The following ACTR10 variants were observed in gnomAD, a reference collection of about 807,000 sequenced individuals.
ACTR10 encodes actin-related protein 10.
Under a neutral mutation model 56.2 loss-of-function variants are expected in ACTR10, and 43 were observed. The observed-to-expected ratio is 0.77, with a 90% CI of 0.60 to 0.99. The LOEUF is 0.99. Ranked by LOEUF, ACTR10 falls within the 50% of genes least tolerant of loss-of-function variation. The probability of loss-of-function intolerance (pLI) is 0.00; values close to 1 mark genes in which losing one functional copy is unlikely to be tolerated. For synonymous variants in ACTR10, 170 were observed against 176.3 expected, an observed-to-expected ratio of 0.96 and a Z score of 0.28; for missense variants, 466 against 507.8, an observed-to-expected ratio of 0.92 and a Z score of 0.79.
At chr14:58,210,429 G>A (rs957345787) in intron 4 of ACTR10, among the ~76,000 whole-genome samples, 6 of 152,106 alleles carry the variant, frequency 3.9e-5, no homozygotes, top group East Asian at 1.9e-4. Flanking sequence ...CCAGGAGGTC[G>A]AGGCTGCAGT....
intron 4 of ACTR10, 119 bp from the exon 5 acceptor site, chr14:58,211,173 C>G: frequency 1.4e-6 from 1 of 707,048 alleles, no homozygotes; most frequent in Non-Finnish European, 2.4e-6. Context: ...GTAGGTATCA[C>G]CATATAAATT....
chr14:58,219,794 T>C (rs915549518), intron 8 of ACTR10, 65 bp downstream of exon 8: 2 of 1,017,458 alleles, frequency 2.0e-6, no homozygotes, highest in Admixed American at 5.6e-5. Flanking sequence ...CATATGCTTC[T>C]AAACATTTAC....
At chr14:58,203,593 G>A (rs979586872) in intron 2 of ACTR10, among the ~76,000 whole-genome samples, 2 of 151,866 alleles carry the variant, frequency 1.3e-5, no homozygotes, top group African/African-American at 2.4e-5. Context: ...TTATGTAAAT[G>A]GAATCATATA....
At chr14:58,208,942 G>A (rs1888929926) in intron 3 of ACTR10, 57 bp from the exon 4 acceptor site, 1 of 1,145,384 alleles carries the variant, frequency 8.7e-7, no homozygotes, top group South Asian at 1.3e-5. Flanking sequence ...TAAATTGTAT[G>A]ACTTAACAAA....
chr14:58,211,539 G>A, intron 5 of ACTR10, 140 bp downstream of exon 5: 2 of 600,702 alleles, frequency 3.3e-6, no homozygotes. Flanking sequence ...TGTGGAAAAA[G>A]TTCACAGGAT....
chr14:58,208,360 G>A (rs1419328825), intron 3 of ACTR10, among the ~76,000 whole-genome samples: 3 of 151,952 alleles, frequency 2.0e-5, no homozygotes, highest in Admixed American at 2.0e-4. Flanking sequence ...AGTGAAATAA[G>A]CAAGTTAAAG....
Position 58,219,734 on chromosome 14 carries a change from A to G in ACTR10, c.634+5A>G. The G allele has an allele frequency of 6.6e-7, 1 of 1,518,702 alleles. No homozygotes were observed. The allele number at this position is 1,518,702 out of a possible 1,614,324, so 94.1% of individuals were successfully genotyped here. A position where few individuals can be genotyped will look rare whatever the true frequency, so the allele number is the denominator to read the frequency against. On this transcript the variant is annotated splice_donor_5th_base_variant and intron_variant, in intron 8 of 12. Coordinates refer to ENST00000254286, the MANE Select transcript of ACTR10 (RefSeq NM_018477.3). Reference sequence around the variant, plus strand: ...GTGTCTTAGAGGACATTAAAGGTAAACTAAGTTCTCATTTTTGTCCCTTTC... The same window carrying G: ...GTGTCTTAGAGGACATTAAAGGTAAGCTAAGTTCTCATTTTTGTCCCTTTC...
At chr14:58,219,188 G>T (rs1889208966) in intron 7 of ACTR10, among the ~76,000 whole-genome samples, 1 of 152,092 alleles carries the variant, frequency 6.6e-6, no homozygotes, top group Admixed American at 6.5e-5. Context: ...CAGATTTTTG[G>T]CAACAAAATT....
chr14:58,218,251 A>G (rs1889182985), intron 7 of ACTR10, among the ~76,000 whole-genome samples: 2 of 152,188 alleles, frequency 1.3e-5, no homozygotes, highest in Admixed American at 1.3e-4. Flanking sequence ...CTTACAGTCA[A>G]GTTACATTTC....
rs8010393 is a variant in ACTR10 at position 58,232,409 on chromosome 14, T to C, written c.1072+142T>C. 6.6e-3 allele frequency: 2,387 copies of C among 359,948 alleles called. 17 individuals carry two copies. Among genetic ancestry groups the C allele is most frequent in the South Asian group, 0.013 (214 of 16,926 alleles). 22.3% of individuals were successfully genotyped at this position (359,948 alleles called of 1,614,324 possible). ...AGAACTAACACTGACTTTTTCTTTT[T>C]TTTTTTTTTTTTTTTTTTTTTTGAG... On this transcript the variant is annotated intron_variant, in intron 12 of 12. Transcript: ENST00000254286.
At chr14:58,230,371 G>T in intron 10 of ACTR10, 28 bp from the exon 11 acceptor site, 2 of 1,386,054 alleles carry the variant, frequency 1.4e-6, no homozygotes, top group Non-Finnish European at 9.9e-7. Flanking sequence ...GACACCAACA[G>T]AAAGCTCTCT....
intron 8 of ACTR10, among the ~76,000 whole-genome samples, chr14:58,222,713 C>T (rs1032174953): frequency 7.4e-5 from 11 of 147,794 alleles, no homozygotes; most frequent in African/African-American, 5.0e-5. Flanking sequence ...TGCATTGTGC[C>T]GAGATCACGC....
In ACTR10 at chr14:58,200,226, C is replaced by G; in HGVS notation, c.9C>G (p.Leu3=). 2 of 1,533,708 alleles carry G rather than the reference C, an allele frequency of 1.3e-6. No homozygotes were observed. Among genetic ancestry groups the G allele is most frequent in the East Asian group, 2.7e-5 (1 of 37,198 alleles). Residue 3 remains leucine (L), a synonymous_variant, in exon 1 of 13, where the codon CTC becomes CTG. Coordinates refer to ENST00000254286, the MANE Select transcript of ACTR10 (RefSeq NM_018477.3). MP[L]YEGLGSGGEK... is the part of the protein sequence containing the mutation. ...CAGTCTGCCTTACTACCATGCCGCT[C>G]TACGAGGGCCTGGGGAGCGGCGGGG...
intron 6 of ACTR10, 81 bp downstream of exon 6, chr14:58,213,779 A>G (rs1889060293): frequency 2.8e-6 from 3 of 1,055,296 alleles, no homozygotes; most frequent in Non-Finnish European, 2.8e-6. Flanking sequence ...TCAGTGATCA[A>G]TAGAGGGCTT....
At chr14:58,222,764 GAAAAAAAAAA>G (rs58412717) in intron 8 of ACTR10, among the ~76,000 whole-genome samples, 1 of 76,342 alleles carries the variant, frequency 1.3e-5, no homozygotes, top group African/African-American at 4.9e-5. Context: ...GACTCTGTCA[GAAAAAAAAAA>G]AAAAAAAAAA....
At chr14:58,204,580 G>A (rs1888811161) in intron 2 of ACTR10, among the ~76,000 whole-genome samples, 1 of 152,008 alleles carries the variant, frequency 6.6e-6, no homozygotes, top group African/African-American at 2.4e-5. Flanking sequence ...TAAAAGTCAT[G>A]GATTGAAAAT....
At chr14:58,203,501 C>T (rs182928329) in intron 2 of ACTR10, among the ~76,000 whole-genome samples, 107 of 152,118 alleles carry the variant, frequency 7.0e-4, no homozygotes, top group African/African-American at 2.4e-3. Context: ...CCCTAATACC[C>T]GTTTACAATT....
At position 58,211,760 on chromosome 14, in the gene ACTR10, A is replaced by T. The variant is rs185515827; in HGVS notation, c.450+361A>T. On this transcript the variant is annotated intron_variant, in intron 5 of 12. Transcript: ENST00000254286. Reference sequence around the variant, plus strand: ...GTATGTTCGATCCAGAAAGATTTCAAAACTTAATGGCAACATGAAATCAGC... The same window carrying T: ...GTATGTTCGATCCAGAAAGATTTCATAACTTAATGGCAACATGAAATCAGC... Among the ~76,000 whole-genome samples, 146 of 152,200 alleles carry T rather than the reference A, an allele frequency of 9.6e-4. 2 individuals are homozygous for T. Among genetic ancestry groups the T allele is most frequent in the Admixed American group, 9.5e-3 (145 of 15,268 alleles).
At chr14:58,231,058 T>C in intron 11 of ACTR10, 1 of 300,768 alleles carries the variant, frequency 3.3e-6, no homozygotes. Context: ...CACCTGGCCT[T>C]TTTTTTCTCT....
Sources: allele counts gnomAD v4.1 joint callset (sites outside exome capture counted in the v4.1 genomes callset), GRCh38; gene constraint gnomAD v4.1.1; transcripts MANE v1.5; gene names NCBI Gene and HGNC (gene_info 2026-07-23, HGNC 2026-07-21).